Variants in GFOD1 observed in about 807,000 individuals in gnomAD.
GFOD1 encodes the protein Gfo/Idh/MocA-like oxidoreductase domain containing 1.
A neutral mutation model predicts 25.4 loss-of-function variants in GFOD1; 9 were observed. The ratio of observed to expected loss-of-function variants is 0.35; its 90% CI spans 0.21 to 0.62. GFOD1 has a LOEUF of 0.62. Among genes scored for constraint, GFOD1 ranks in the 20% least tolerant of loss-of-function variants. GFOD1 has a pLI of 0.72. For missense variants in GFOD1, 403 were observed against 556.9 expected, an observed-to-expected ratio of 0.72 and a Z score of 2.78; for synonymous variants, 253 against 245.6, an observed-to-expected ratio of 1.03 and a Z score of -0.28.
At chr6:13,408,369 T>G (rs1339911484) in intron 1 of GFOD1, among the ~76,000 whole-genome samples, 1 of 152,190 alleles carries the variant, frequency 6.6e-6, no homozygotes, top group East Asian at 1.9e-4. Flanking sequence ...TGGTTTCCAG[T>G]GGAACTTTGA....
chr6:13,391,205 G>C lies in GFOD1; in HGVS notation c.254-25543C>G, dbSNP rs1785597967. On this transcript the variant is annotated intron_variant, in intron 1 of 1. Coordinates refer to ENST00000379287, the MANE Select transcript of GFOD1 (RefSeq NM_018988.4). The stretch of plus-strand genomic sequence containing the variant: ...GAGTGAAGGTAGAAGGTGAGAAATG[G>C]ACTTCAATTCCAGTAACCGTGGCTG... Among the ~76,000 whole-genome samples the C allele has an allele frequency of 2.0e-5, 3 of 152,244 alleles. No individual in the cohort carries two copies. The Middle Eastern group carries it at 0.01, about 518-fold the overall frequency.
chr6:13,386,555 T>C (rs549408482), intron 1 of GFOD1, among the ~76,000 whole-genome samples: 90 of 152,324 alleles, frequency 5.9e-4, no homozygotes, highest in African/African-American at 2.0e-3. Context: ...CATCATTGGC[T>C]CCTGCACCAG....
chr6:13,460,298 C>T (rs1758269957), intron 1 of GFOD1, among the ~76,000 whole-genome samples: 1 of 152,174 alleles, frequency 6.6e-6, no homozygotes, highest in Non-Finnish European at 1.5e-5. Flanking sequence ...TTTGGCCCAG[C>T]AATCCCATTA....
At chr6:13,401,692 A>G (rs745825024) in intron 1 of GFOD1, among the ~76,000 whole-genome samples, 1 of 152,244 alleles carries the variant, frequency 6.6e-6, no homozygotes, top group African/African-American at 2.4e-5. Context: ...AATCACTGGA[A>G]TGACATCCTG....
intron 1 of GFOD1, among the ~76,000 whole-genome samples, chr6:13,393,368 CAAAAAAAAAAAAA>C (rs70989853): frequency 4.1e-5 from 3 of 72,492 alleles, no homozygotes; most frequent in Non-Finnish European, 7.4e-5. Context: ...AAACAACCAC[CAAAAAAAAAAAAA>C]AAAAAAAAAA....
rs77849619 is a variant in GFOD1 at position 13,441,326 on chromosome 6, G to A, written c.253+45312C>T. 6.4e-3 allele frequency among the ~76,000 whole-genome samples: 970 copies of A among 152,272 alleles called. 11 individuals are homozygous for A. Among genetic ancestry groups the A allele is most frequent in the African/African-American group, 0.022 (923 of 41,538 alleles). On this transcript the variant is annotated intron_variant, in intron 1 of 1. Transcript: ENST00000379287. ...TTTCTAAATGAGTGGGGTTTGGGGT[G>A]AAAAACTCCCTATAAAATGACAAAT...
Position 13,476,763 on chromosome 6 carries a change from T to C in GFOD1, c.253+9875A>G, listed in dbSNP as rs571254909. Among the ~76,000 whole-genome samples, 8 of 152,340 alleles carry C rather than the reference T, an allele frequency of 5.3e-5. No individual in the cohort carries two copies. In the South Asian group the frequency reaches 1.2e-3, roughly 24 times the overall value. ...GAGACTGGAAAATTTTTTTAAATCA[T>C]AACATTTTAATGTAAAGTTATTTTT... On this transcript the variant is annotated intron_variant, in intron 1 of 1. Coordinates refer to ENST00000379287, the MANE Select transcript of GFOD1 (RefSeq NM_018988.4).
intron 1 of GFOD1, among the ~76,000 whole-genome samples, chr6:13,381,918 C>CGT (rs1785372103): frequency 7.3e-5 from 2 of 27,376 alleles, no homozygotes; most frequent in African/African-American, 1.8e-4. Flanking sequence ...CGCGCGCGCA[C>CGT]ACACACACAC....
intron 1 of GFOD1, among the ~76,000 whole-genome samples, chr6:13,393,031 C>T (rs539230653): frequency 6.6e-6 from 1 of 152,094 alleles, no homozygotes; most frequent in Admixed American, 6.5e-5. Context: ...CATTGCATTC[C>T]ACCCTGGGCA....
intron 1 of GFOD1, among the ~76,000 whole-genome samples, chr6:13,409,175 G>GGAAAGAAAGAAAGGAA (rs1562209539): frequency 0.074 from 2,489 of 33,616 alleles, 873 homozygotes; most frequent in South Asian, 0.28. Flanking sequence ...AGGAAAGAGA[G>GGAAAGAAAGAAAGGAA]AGAGAGAGAG....
intron 1 of GFOD1, among the ~76,000 whole-genome samples, chr6:13,453,651 G>GAAGC (rs1758139104): frequency 6.6e-6 from 1 of 152,220 alleles, no homozygotes; most frequent in Non-Finnish European, 1.5e-5. Context: ...AGAAGTGACA[G>GAAGC]AAGCAACTTA....
At position 13,486,772 on chromosome 6, in the gene GFOD1, T is replaced by C. The variant is rs1487270997; in HGVS notation, c.119A>G (p.Glu40Gly). The C allele has an allele frequency of 6.2e-7, 1 of 1,614,136 alleles. No homozygotes were observed. The highest frequency in any genetic ancestry group is 8.5e-7 in the Non-Finnish European group (1 of 1,180,010). ...GACACTCATCTCCTTGGCCAGCTCC[T>C]CCGCTTCTTCCTGCGTGCGGCCCCA... The part of the protein sequence containing the change: ...ALWGRTQEEA[E>G]ELAKEMSVPF... The change falls in exon 1 of 2, where the codon GAG becomes GGG. Residue 40 changes from glutamate to glycine, a missense_variant. Glu to Gly is a moderately conservative substitution (Grantham distance 98). Coordinates refer to ENST00000379287, the MANE Select transcript of GFOD1 (RefSeq NM_018988.4).
At chr6:13,441,986 C>G (rs1402103271) in intron 1 of GFOD1, among the ~76,000 whole-genome samples, 1 of 152,200 alleles carries the variant, frequency 6.6e-6, no homozygotes, top group Non-Finnish European at 1.5e-5. Context: ...CACCCCCACA[C>G]TCACTCAGAT....
chr6:13,429,892 G>A (rs1157304412), intron 1 of GFOD1, among the ~76,000 whole-genome samples: 4 of 152,046 alleles, frequency 2.6e-5, no homozygotes, highest in African/African-American at 7.3e-5. Flanking sequence ...TGCATGTATA[G>A]AGTGGTATGG....
At chr6:13,425,881 A>G (rs1197980784) in intron 1 of GFOD1, among the ~76,000 whole-genome samples, 1 of 151,220 alleles carries the variant, frequency 6.6e-6, no homozygotes, top group African/African-American at 2.4e-5. Context: ...GGAAAAAAAA[A>G]AAAAGAAGAA....
intron 1 of GFOD1, among the ~76,000 whole-genome samples, chr6:13,456,578 T>A (rs141446552): frequency 1.3e-5 from 2 of 152,228 alleles, no homozygotes; most frequent in Non-Finnish European, 2.9e-5. Flanking sequence ...TTTGAACTAC[T>A]CATCACGGTC....
At chr6:13,386,060 CTTTT>C (rs5874414) in intron 1 of GFOD1, among the ~76,000 whole-genome samples, 4 of 128,022 alleles carry the variant, frequency 3.1e-5, no homozygotes, top group Admixed American at 8.1e-5. Flanking sequence ...TGGGTAATTC[CTTTT>C]TTTTTTTTTT....
At chr6:13,382,486 A>C (rs1380066803) in intron 1 of GFOD1, among the ~76,000 whole-genome samples, 1 of 151,844 alleles carries the variant, frequency 6.6e-6, no homozygotes, top group Non-Finnish European at 1.5e-5. Context: ...CTTCTCCTTC[A>C]CCTTCCACCG....
In GFOD1 at chr6:13,409,365, GAGGAAGGA is replaced by G. The variant is rs56336626; in HGVS notation, c.254-43711_254-43704del. Among the ~76,000 whole-genome samples the G allele has an allele frequency of 1.6e-3, 226 of 140,542 alleles. 1 individual carries two copies. The highest frequency in any genetic ancestry group is 3.8e-3 in the African/African-American group (147 of 38,408). The allele number at this position is 140,542 out of a possible 152,430, so 92.2% of individuals were successfully genotyped here. A position where few individuals can be genotyped will look rare whatever the true frequency, so the allele number is the denominator to read the frequency against. On this transcript the variant is annotated intron_variant, in intron 1 of 1. Transcript: ENST00000379287. ...AGAGAGAGAAAGAGAGAAAGAGACA[GAGGAAGGA>G]AGGAAGGAAGGAAGGAAGGAAAAAA...
Sources: gnomAD v4.1 joint callset for allele counts (sites outside exome capture counted in the v4.1 genomes callset) on GRCh38, gnomAD v4.1.1 for gene constraint, MANE v1.5 for transcripts, NCBI Gene and HGNC (gene_info 2026-07-23, HGNC 2026-07-21) for gene names.